The following LIMS1 variants were observed in gnomAD, a reference collection of about 807,000 sequenced individuals.
The protein encoded by LIMS1 is LIM zinc finger domain containing 1.
A neutral mutation model predicts 44.1 loss-of-function variants in LIMS1; 18 were observed. The ratio of observed to expected loss-of-function variants is 0.41; its 90% CI spans 0.28 to 0.61. The LOEUF is 0.61. Among genes scored for constraint, LIMS1 ranks in the 20% least tolerant of loss-of-function variants. The probability of loss-of-function intolerance (pLI) is 0.32; values close to 1 mark genes in which losing one functional copy is unlikely to be tolerated. For missense variants in LIMS1, 201 were observed against 422.0 expected (o/e 0.48, Z 4.59); for synonymous variants, 93 against 149.1 (o/e 0.62, Z 2.74).
chr2:108,674,863 A>G (rs1486731415), intron 5 of LIMS1, among the ~76,000 whole-genome samples: 2 of 150,470 alleles, frequency 1.3e-5, no homozygotes, highest in African/African-American at 4.9e-5. Context: ...ACCTCTGTCC[A>G]CTTTTCATTA....
At chr2:108,552,585 GGTGT>G (rs151262934) in intron 1 of LIMS1, among the ~76,000 whole-genome samples, 6 of 101,870 alleles carry the variant, frequency 5.9e-5, no homozygotes, top group Non-Finnish European at 1.1e-4. Flanking sequence ...ATATATTTTG[GGTGT>G]GTGTGTGTGT....
intron 1 of LIMS1, among the ~76,000 whole-genome samples, chr2:108,577,430 C>T (rs187762316): frequency 2.0e-5 from 3 of 152,318 alleles, no homozygotes; most frequent in East Asian, 1.9e-4. Context: ...GAAGTTACTC[C>T]GGGCTCTGCC....
At chr2:108,553,700 C>T (rs1002196079) in intron 1 of LIMS1, among the ~76,000 whole-genome samples, 4 of 152,158 alleles carry the variant, frequency 2.6e-5, no homozygotes, top group East Asian at 1.9e-4. Context: ...CAGACCCAGA[C>T]GAGCCTTCCC....
At position 108,659,617 on chromosome 2, in the gene LIMS1, C is replaced by T. The variant is rs374538094; in HGVS notation, c.45C>T (p.Asn15=). The T allele has an allele frequency of 4.6e-4, 740 of 1,611,862 alleles. 1 individual carries two copies. Among genetic ancestry groups the T allele is most frequent in the East Asian group, 1.1e-3 (51 of 44,816 alleles). The change falls in exon 2 of 10, where the codon AAC becomes AAT. Residue 15 remains asparagine, a synonymous_variant. Transcript: ENST00000544547. ...TTGCGTGTTACAGCAACATGGCCAA[C>T]GCCCTGGCCAGCGCCACTTGCGAGC...
intron 2 of LIMS1, among the ~76,000 whole-genome samples, chr2:108,669,782 G>A (rs1458998781): frequency 6.6e-6 from 1 of 151,588 alleles, no homozygotes; most frequent in African/African-American, 2.4e-5. Context: ...TTGAACCTGA[G>A]TCTTCTAGTG....
chr2:108,574,496 G>T (rs1257300987), intron 1 of LIMS1, among the ~76,000 whole-genome samples: 1 of 152,058 alleles, frequency 6.6e-6, no homozygotes, highest in African/African-American at 2.4e-5. Flanking sequence ...TTTCACTCGA[G>T]GTCATGGCTC....
At chr2:108,649,066 A>AT (rs756082485) in intron 1 of LIMS1, among the ~76,000 whole-genome samples, 49 of 152,176 alleles carry the variant, frequency 3.2e-4, no homozygotes, top group Non-Finnish European at 6.2e-4. Context: ...ATGGGAGAAA[A>AT]TTTTTGCAAT....
intron 1 of LIMS1, among the ~76,000 whole-genome samples, chr2:108,640,854 C>T (rs938427378): frequency 3.3e-5 from 5 of 152,132 alleles, no homozygotes; most frequent in Admixed American, 1.3e-4. Context: ...ACATTAGTCA[C>T]CCTACAGTGC....
intron 1 of LIMS1, among the ~76,000 whole-genome samples, chr2:108,561,751 T>C (rs982588316): frequency 6.6e-6 from 1 of 150,982 alleles, no homozygotes; most frequent in Non-Finnish European, 1.5e-5. Context: ...TTTTTGTTTT[T>C]TTTTTTTTTG....
chr2:108,640,692 G>A (rs1006060726), intron 1 of LIMS1, among the ~76,000 whole-genome samples: 1 of 152,210 alleles, frequency 6.6e-6, no homozygotes, highest in Non-Finnish European at 1.5e-5. Flanking sequence ...TTTATGGGGT[G>A]CATGTGTTAT....
chr2:108,649,440 A>G (rs1690304131), intron 1 of LIMS1, among the ~76,000 whole-genome samples: 1 of 152,244 alleles, frequency 6.6e-6, no homozygotes, highest in African/African-American at 2.4e-5. Flanking sequence ...ATCTAGAACT[A>G]GAAATACCAT....
chr2:108,675,986 A>C, exon 6 of LIMS1: 1 of 1,614,010 alleles, frequency 6.2e-7, no homozygotes, highest in Non-Finnish European at 8.5e-7. Flanking sequence ...GGCCCATCGA[A>C]GGGCGCGTGG....
At chr2:108,536,712 C>T (rs150453281) in intron 1 of LIMS1, among the ~76,000 whole-genome samples, 11 of 152,252 alleles carry the variant, frequency 7.2e-5, no homozygotes, top group African/African-American at 2.6e-4. Flanking sequence ...CCCCAAGTAG[C>T]TGGGACTACA....
chr2:108,627,888 G>T (rs1360191046), intron 1 of LIMS1, among the ~76,000 whole-genome samples: 1 of 152,060 alleles, frequency 6.6e-6, no homozygotes, highest in Non-Finnish European at 1.5e-5. Context: ...TTTTTTAAAT[G>T]GTTATATCTG....
intron 1 of LIMS1, among the ~76,000 whole-genome samples, chr2:108,579,860 G>A (rs1227558810): frequency 1.3e-5 from 2 of 152,200 alleles, no homozygotes; most frequent in Admixed American, 6.5e-5. Context: ...GACTGAGTCC[G>A]AGTGTGAATG....
chr2:108,550,866 A>G (rs1324271077), intron 1 of LIMS1, among the ~76,000 whole-genome samples: 1 of 151,794 alleles, frequency 6.6e-6, no homozygotes, highest in African/African-American at 2.4e-5. Context: ...CATGCCTGTA[A>G]TCCCAGCACT....
intron 1 of LIMS1, among the ~76,000 whole-genome samples, chr2:108,550,891 T>C (rs1166624995): frequency 1.3e-5 from 2 of 150,388 alleles, no homozygotes; most frequent in Admixed American, 6.6e-5. Context: ...GAGACCGAGG[T>C]GGGAGGATTG....
At chr2:108,595,765 A>G (rs1386305174) in intron 1 of LIMS1, among the ~76,000 whole-genome samples, 1 of 152,146 alleles carries the variant, frequency 6.6e-6, no homozygotes, top group East Asian at 1.9e-4. Context: ...AGAGTCCTTT[A>G]TAATCTTTTA....
chr2:108,568,392 A>G (rs1300647038), intron 1 of LIMS1, among the ~76,000 whole-genome samples: 1 of 152,176 alleles, frequency 6.6e-6, no homozygotes, highest in Non-Finnish European at 1.5e-5. Flanking sequence ...ATAGTATTCT[A>G]CTGTTATGTA....
Sources: gnomAD v4.1 joint callset for allele counts (sites outside exome capture counted in the v4.1 genomes callset) on GRCh38, gnomAD v4.1.1 for gene constraint, MANE v1.5 for transcripts, NCBI Gene and HGNC (gene_info 2026-07-23, HGNC 2026-07-21) for gene names.